TMIE: variants seen among roughly 807,000 people sequenced by gnomAD.
The protein encoded by TMIE is transmembrane inner ear, also known as transmembrane inner ear expressed protein.
Under a neutral mutation model 16.8 loss-of-function variants are expected in TMIE, and 14 were observed. That is an observed-to-expected ratio of 0.83 (90% CI 0.55 to 1.30). TMIE has a LOEUF of 1.30. Among genes scored for constraint, TMIE ranks in the 50% most tolerant of loss-of-function variants. The pLI, the probability that TMIE is intolerant of heterozygous loss-of-function variation, is 0.00. For missense variants in TMIE, 204 were observed against 205.9 expected (o/e 0.99, Z 0.06); for synonymous variants, 75 against 87.2 (o/e 0.86, Z 0.78).
intron 1 of TMIE, among the ~76,000 whole-genome samples, chr3:46,704,065 G>A (rs1700510317): frequency 1.3e-5 from 2 of 152,144 alleles, no homozygotes; most frequent in Non-Finnish European, 2.9e-5. Flanking sequence ...TCTACAGTGT[G>A]GGTCCATGTC....
At chr3:46,703,179 T>G (rs1700498652) in intron 1 of TMIE, among the ~76,000 whole-genome samples, 1 of 152,060 alleles carries the variant, frequency 6.6e-6, no homozygotes, top group South Asian at 2.1e-4. Flanking sequence ...ACCATCACCC[T>G]CCATCAGCCC....
chr3:46,710,811 A>G lies in TMIE; in HGVS notation c.*1123A>G, dbSNP rs532313400. The G allele has an allele frequency of 3.3e-5, 5 of 152,292 alleles. No individual in the cohort carries two copies. The East Asian group carries it at 9.7e-4, about 29-fold the overall frequency. The allele number at this position is 152,292 out of a possible 1,614,324, so 9.4% of individuals were successfully genotyped here. On this transcript the variant is annotated 3_prime_UTR_variant, in exon 4 of 4. Coordinates refer to ENST00000643606, the MANE Select transcript of TMIE (RefSeq NM_147196.3). ...GAACACTAAGGTCTCGAGACACCAGAGGTTTCTGAGCCAGGAGAGCCTGCT... is the reference window on the plus strand; with the variant it reads ...GAACACTAAGGTCTCGAGACACCAGGGGTTTCTGAGCCAGGAGAGCCTGCT...
intron 1 of TMIE, among the ~76,000 whole-genome samples, chr3:46,702,704 G>A (rs1326091853): frequency 2.0e-5 from 3 of 152,102 alleles, no homozygotes; most frequent in African/African-American, 4.8e-5. Flanking sequence ...TGTTATGGGG[G>A]GACACAGCCC....
rs1239714399 is a variant in TMIE at position 46,709,192 on chromosome 3, A to C, written c.278A>C (p.Tyr93Ser). The C allele has an allele frequency of 6.2e-7, 1 of 1,614,134 alleles. No homozygotes were observed. Among genetic ancestry groups the C allele is most frequent in the Non-Finnish European group, 8.5e-7 (1 of 1,180,034 alleles). Reference sequence around the variant, plus strand: ...ACCCGGAAGGAGATCGAAGCCCGGTACCTGCAGCGAAAGGCAGCCAAGATG... The same window carrying C: ...ACCCGGAAGGAGATCGAAGCCCGGTCCCTGCAGCGAAAGGCAGCCAAGATG... ...PRTRKEIEAR[Y>S]LQRKAAKMYT... The change falls in exon 3 of 4, where the codon TAC becomes TCC. Residue 93 changes from tyrosine to serine, a missense_variant. Tyr to Ser is a moderately radical substitution (Grantham distance 144). Coordinates refer to ENST00000643606, the MANE Select transcript of TMIE (RefSeq NM_147196.3).
chr3:46,704,126 T>C (rs2106779106), intron 1 of TMIE, among the ~76,000 whole-genome samples: 1 of 151,780 alleles, frequency 6.6e-6, no homozygotes, highest in Non-Finnish European at 1.5e-5. Flanking sequence ...GGTAGAGCTG[T>C]GTCCTCTAGA....
intron 2 of TMIE, among the ~76,000 whole-genome samples, 170 bp downstream of exon 2, chr3:46,706,077 G>A (rs371338103): frequency 1.3e-4 from 20 of 152,374 alleles, no homozygotes; most frequent in African/African-American, 4.6e-4. Context: ...TCCCCGTGGA[G>A]GGCTGACAGG....
In TMIE at chr3:46,709,948, CGTCCCTCTG is replaced by C. The variant is rs201331004; in HGVS notation, c.*261_*269del. On this transcript the variant is annotated 3_prime_UTR_variant, in exon 4 of 4. Coordinates refer to ENST00000643606, the MANE Select transcript of TMIE (RefSeq NM_147196.3). ...CTCGGCAGAGGTGGTCTGGTGCCACCGTCCCTCTGCAGATACACTGCTCTCCCCACCCAG... is the reference window on the plus strand; with the variant it reads ...CTCGGCAGAGGTGGTCTGGTGCCACCCAGATACACTGCTCTCCCCACCCAG... The C allele has an allele frequency of 0.019, 10,953 of 573,974 alleles. 988 individuals carry two copies. Among genetic ancestry groups the C allele is most frequent in the African/African-American group, 0.19 (10,004 of 53,108 alleles). The allele number at this position is 573,974 out of a possible 1,614,324, so 35.6% of individuals were successfully genotyped here.
intron 1 of TMIE, among the ~76,000 whole-genome samples, chr3:46,702,854 A>C (rs1418532281): frequency 1.3e-5 from 2 of 152,104 alleles, no homozygotes; most frequent in Non-Finnish European, 2.9e-5. Context: ...AAGGGGAGCT[A>C]TGCTGGCTTG....
intron 1 of TMIE, among the ~76,000 whole-genome samples, chr3:46,702,387 G>A (rs1700487887): frequency 1.3e-5 from 2 of 152,074 alleles, no homozygotes; most frequent in African/African-American, 4.8e-5. Context: ...CCTGGCTGGG[G>A]CCAGGAAGGG....
Position 46,710,175 on chromosome 3 carries a change from CTCTG to C in TMIE, c.*492_*495del, listed in dbSNP as rs1700604019. The C allele has an allele frequency of 8.2e-6, 2 of 242,864 alleles. No homozygotes were observed. The highest frequency in any genetic ancestry group is 6.2e-5 in the South Asian group (1 of 16,260). 15.0% of individuals were successfully genotyped at this position (242,864 alleles called of 1,614,324 possible). Reference sequence around the variant, plus strand: ...GGGGACACTGTGGCAGCAGGAGGGACTCTGTCTGGCCAGGGAGGAGCCCCAGTGG... The same window carrying C: ...GGGGACACTGTGGCAGCAGGAGGGACTCTGGCCAGGGAGGAGCCCCAGTGG... On this transcript the variant is annotated 3_prime_UTR_variant, in exon 4 of 4. Coordinates refer to ENST00000643606, the MANE Select transcript of TMIE (RefSeq NM_147196.3).
chr3:46,696,602 G>A (rs1357669778), upstream of TMIE, among the ~76,000 whole-genome samples: 1 of 152,034 alleles, frequency 6.6e-6, no homozygotes, highest in African/African-American at 2.4e-5. Flanking sequence ...TTGTGACTGG[G>A]GGTCCTCATT....
rs1460258749 is a variant in TMIE at position 46,705,862 on chromosome 3, C to T, written c.166C>T (p.Leu56=). 1 of 1,614,180 alleles carries T rather than the reference C, an allele frequency of 6.2e-7. No individual in the cohort carries two copies. Among genetic ancestry groups the T allele is most frequent in the South Asian group, 1.1e-5 (1 of 91,082 alleles). The change falls in exon 2 of 4, where the codon CTG becomes TTG. Residue 56 remains leucine, a synonymous_variant. Coordinates refer to ENST00000643606, the MANE Select transcript of TMIE (RefSeq NM_147196.3). ...GACAGTGGTGTTCTGGGACATGCGCCTGTGGCACGTGGTGGGCATCTTTTC... is the reference window on the plus strand; with the variant it reads ...GACAGTGGTGTTCTGGGACATGCGCTTGTGGCACGTGGTGGGCATCTTTTC... ...KETVVFWDMR[L]WHVVGIFSLF... is the part of the protein sequence containing the mutation.
rs116678708 is a variant in TMIE at position 46,707,182 on chromosome 3, G to A, written c.211+1275G>A. 5.9e-3 allele frequency among the ~76,000 whole-genome samples: 904 copies of A among 152,322 alleles called. 9 individuals carry two copies. Among genetic ancestry groups the A allele is most frequent in the African/African-American group, 0.02 (850 of 41,558 alleles). On this transcript the variant is annotated intron_variant, in intron 2 of 3. Transcript: ENST00000643606. ...TGTCCAGAGAGGGAAACAGCCCGCT[G>A]CAGGGCTCGGGGGTCATCTGCCCTA... is the stretch of plus-strand genomic sequence containing the variant.
At chr3:46,696,869 G>A (rs892789232), upstream of TMIE, among the ~76,000 whole-genome samples, 1 of 152,178 alleles carries the variant, frequency 6.6e-6, no homozygotes, top group African/African-American at 2.4e-5. Context: ...AGGGAGCAAG[G>A]GTGGGGGACT....
intron 2 of TMIE, among the ~76,000 whole-genome samples, chr3:46,708,042 T>C (rs1700574755): frequency 6.6e-6 from 1 of 152,204 alleles, no homozygotes. Context: ...CTCCTCCAAG[T>C]GTATGCCTGG....
Position 46,701,433 on chromosome 3 carries a change from A to G in TMIE, c.-55A>G, listed in dbSNP as rs1000823488. On this transcript the variant is annotated 5_prime_UTR_variant, in exon 1 of 4. Transcript: ENST00000643606. This position sits in a 1 kb window ranked among gnomAD's most constrained non-coding sequence, Gnocchi z 4.3. ...CGAGCGCCGGCTGGCAGGGGCAGTG[A>G]CCGGCGGCCGGCCCGTTCGTCCCTG... 41 of 1,383,702 alleles carry G rather than the reference A, an allele frequency of 3.0e-5. No individual in the cohort carries two copies. In the Admixed American group the frequency reaches 3.7e-4, roughly 13 times the overall value. The allele number at this position is 1,383,702 out of a possible 1,614,324, so 85.7% of individuals were successfully genotyped here.
chr3:46,698,030 GT>G (rs1030007831), upstream of TMIE, among the ~76,000 whole-genome samples: 4 of 152,006 alleles, frequency 2.6e-5, no homozygotes, highest in African/African-American at 9.7e-5. Flanking sequence ...ATCCAACAAG[GT>G]TTTTTGTTTC....
chr3:46,700,944 T>C (rs1030872406), upstream of TMIE, among the ~76,000 whole-genome samples: 1 of 151,392 alleles, frequency 6.6e-6, no homozygotes, highest in African/African-American at 2.4e-5. Flanking sequence ...GTGTCCAGGG[T>C]GACCAGAGCC....
chr3:46,697,427 C>G (rs768750554), upstream of TMIE, among the ~76,000 whole-genome samples: 7 of 152,244 alleles, frequency 4.6e-5, no homozygotes, highest in Non-Finnish European at 1.0e-4. Context: ...GGACAGGGTT[C>G]AGAGGGCTTC....
Sources: allele counts gnomAD v4.1 joint callset (sites outside exome capture counted in the v4.1 genomes callset), GRCh38; gene constraint gnomAD v4.1.1; non-coding constraint Gnocchi (gnomAD v3.1); transcripts MANE v1.5; gene names NCBI Gene and HGNC (gene_info 2026-07-23, HGNC 2026-07-21).